The following RIMS2 variants were observed in gnomAD, a reference collection of about 807,000 sequenced individuals.
RIMS2 encodes the protein regulating synaptic membrane exocytosis protein 2.
In RIMS2, 59 loss-of-function variants were observed where a neutral mutation model predicts 174.4. That is an observed-to-expected ratio of 0.34 (90% CI 0.27 to 0.42). The LOEUF (loss-of-function observed/expected upper bound fraction) is 0.42, where lower values mean the gene tolerates loss of function less well. Among genes scored for constraint, RIMS2 ranks in the 10% least tolerant of loss-of-function variants. The pLI is 1.00. For missense variants in RIMS2, 1,620 were observed against 1,666.3 expected (o/e 0.97, Z 0.48); for synonymous variants, 606 against 572.5 (o/e 1.06, Z -0.84).
At chr8:103,767,452 T>G (rs1044865770) in intron 3 of RIMS2, among the ~76,000 whole-genome samples, 1 of 152,220 alleles carries the variant, frequency 6.6e-6, no homozygotes, top group African/African-American at 2.4e-5. Context: ...CCCAAAGTGC[T>G]GGGATTACAG....
rs1290587047 is a variant in RIMS2, at chr8:103,739,892, C to G, written c.388-26335C>G. Among the ~76,000 whole-genome samples, 21 of 152,176 alleles carry G rather than the reference C, an allele frequency of 1.4e-4. 1 individual carries two copies. The South Asian group carries it at 4.1e-3, about 30-fold the overall frequency. On this transcript the variant is annotated intron_variant, in intron 2 of 23. Coordinates refer to ENST00000504942, the Ensembl canonical transcript of RIMS2. ...TCACTGGCTAGTCTGTTTCTTTGTA[C>G]CATAGACTAAGTCCTCAAGTGTCAT...
intron 1 of RIMS2, among the ~76,000 whole-genome samples, chr8:103,593,845 A>ATAT (rs2094372637): frequency 6.6e-6 from 1 of 151,340 alleles, no homozygotes; most frequent in Non-Finnish European, 1.5e-5. Flanking sequence ...TAGAAAATTT[A>ATAT]ATTTCTAAAA....
chr8:104,074,536 AG>A (rs1435020446), intron 19 of RIMS2, among the ~76,000 whole-genome samples: 1 of 152,178 alleles, frequency 6.6e-6, no homozygotes, highest in African/African-American at 2.4e-5. Context: ...GAAATGACTA[AG>A]ATAAGGAAAA....
At chr8:103,743,627 T>C (rs949832754) in intron 2 of RIMS2, among the ~76,000 whole-genome samples, 2 of 152,142 alleles carry the variant, frequency 1.3e-5, no homozygotes, top group Admixed American at 6.5e-5. Flanking sequence ...TGTAAACATA[T>C]ATTAATTTAT....
chr8:103,885,574 A>G, exon 4 of RIMS2: 1 of 1,612,958 alleles, frequency 6.2e-7, no homozygotes, highest in East Asian at 2.2e-5. Flanking sequence ...GGCAAAGGAG[A>G]GAGGAAGAGT....
At chr8:104,163,623 G>A (rs1317898607) in intron 19 of RIMS2, among the ~76,000 whole-genome samples, 3 of 152,146 alleles carry the variant, frequency 2.0e-5, no homozygotes, top group African/African-American at 7.2e-5. Flanking sequence ...AGTTTCTAAT[G>A]TAACCTAGGA....
At chr8:103,588,765 G>A (rs1417313823) in intron 1 of RIMS2, among the ~76,000 whole-genome samples, 1 of 151,794 alleles carries the variant, frequency 6.6e-6, no homozygotes, top group Non-Finnish European at 1.5e-5. Flanking sequence ...AAATCAAAAT[G>A]GATTAAAGAC....
At chr8:104,126,445 T>G (rs1448154445) in intron 19 of RIMS2, among the ~76,000 whole-genome samples, 1 of 152,086 alleles carries the variant, frequency 6.6e-6, no homozygotes, top group Non-Finnish European at 1.5e-5. Flanking sequence ...GGTAATAAAA[T>G]GCATTGGGGT....
rs2098661859 is a variant in RIMS2, at chr8:104,148,474, A to AT, written c.3335-96436dup. ...CACAATCAAGACCATGGTATTTGAAATTTTTTAACTCCTAAAAATATATTC... is the reference window on the plus strand; with the variant it reads ...CACAATCAAGACCATGGTATTTGAAATTTTTTTAACTCCTAAAAATATATTC... On this transcript the variant is annotated intron_variant, in intron 19 of 23. Coordinates refer to ENST00000504942, the Ensembl canonical transcript of RIMS2. 4.4e-6 allele frequency: 4 copies of AT among 905,124 alleles called. No individual in the cohort carries two copies. The East Asian group carries it at 1.1e-4, about 25-fold the overall frequency. 56.1% of individuals were successfully genotyped at this position (905,124 alleles called of 1,614,324 possible). A position where few individuals can be genotyped will look rare whatever the true frequency, so the allele number is the denominator to read the frequency against.
intron 3 of RIMS2, among the ~76,000 whole-genome samples, chr8:103,793,838 A>T (rs1036088926): frequency 3.3e-5 from 5 of 152,094 alleles, no homozygotes; most frequent in African/African-American, 7.2e-5. Context: ...CATAATTACT[A>T]CAAAGAGAAT....
intron 3 of RIMS2, among the ~76,000 whole-genome samples, chr8:103,776,984 A>G (rs1232848364): frequency 6.6e-6 from 1 of 152,136 alleles, no homozygotes; most frequent in East Asian, 1.9e-4. Flanking sequence ...AAGTGTTGAC[A>G]TTTTAAAAGG....
At chr8:104,187,970 T>C (rs1282663425) in intron 19 of RIMS2, among the ~76,000 whole-genome samples, 4 of 151,808 alleles carry the variant, frequency 2.6e-5, no homozygotes, top group African/African-American at 9.7e-5. Flanking sequence ...GCAAAATTAA[T>C]AGTGAGAGTC....
intron 19 of RIMS2, among the ~76,000 whole-genome samples, chr8:104,217,279 T>G (rs1250832798): frequency 3.2e-5 from 2 of 63,412 alleles, no homozygotes; most frequent in African/African-American, 8.3e-5. Context: ...TGTTTTTTTG[T>G]TTTTTTTGAG....
rs202195533 is a variant in RIMS2, at chr8:103,645,145, A to G, written c.177-51941A>G. Among the ~76,000 whole-genome samples the G allele has an allele frequency of 1.3e-4, 20 of 152,190 alleles. No individual in the cohort carries two copies. The East Asian group carries it at 3.7e-3, about 28-fold the overall frequency. On this transcript the variant is annotated intron_variant, in intron 1 of 23. Transcript: ENST00000504942. The stretch of plus-strand genomic sequence containing the variant: ...TTTATCTTTTTCTCAAAGAAATACA[A>G]GTTTTCTAAATAGAATTCAGTGTCA...
intron 1 of RIMS2, among the ~76,000 whole-genome samples, chr8:103,688,326 G>A (rs2096967526): frequency 6.6e-6 from 1 of 151,942 alleles, no homozygotes; most frequent in African/African-American, 2.4e-5. Context: ...TTTATCAAAT[G>A]CTTTTTCTGC....
intron 1 of RIMS2, among the ~76,000 whole-genome samples, chr8:103,616,163 A>G (rs13278466): frequency 0.12 from 17,650 of 152,214 alleles, 1,361 homozygotes; most frequent in Non-Finnish European, 0.17. Flanking sequence ...CAGAAGGCTA[A>G]TCCATCATAA....
chr8:103,556,389 A>T (rs1050557268), intron 1 of RIMS2, among the ~76,000 whole-genome samples: 5 of 152,170 alleles, frequency 3.3e-5, no homozygotes, highest in Non-Finnish European at 2.9e-5. Flanking sequence ...GTAAAATGAC[A>T]TACTTTCTCA....
intron 19 of RIMS2, among the ~76,000 whole-genome samples, chr8:104,101,501 G>T (rs1188166459): frequency 1.3e-5 from 2 of 151,870 alleles, no homozygotes; most frequent in African/African-American, 2.4e-5. Flanking sequence ...ATTTTTTATT[G>T]TACACATTTG....
chr8:103,563,237 C>T (rs2091878524), intron 1 of RIMS2, among the ~76,000 whole-genome samples: 1 of 152,186 alleles, frequency 6.6e-6, no homozygotes, highest in Non-Finnish European at 1.5e-5. Flanking sequence ...CATTATCAGG[C>T]TGCAAATTTT....
Sources: allele counts gnomAD v4.1 joint callset (sites outside exome capture counted in the v4.1 genomes callset), GRCh38; gene constraint gnomAD v4.1.1; transcripts MANE v1.5; gene names NCBI Gene and HGNC (gene_info 2026-07-23, HGNC 2026-07-21).